LMX1A: variants seen among roughly 807,000 people sequenced by gnomAD.
LMX1A encodes LIM homeobox transcription factor 1 alpha.
In LMX1A, 15 loss-of-function variants were observed where a neutral mutation model predicts 49.1. That is an observed-to-expected ratio of 0.31 (90% CI 0.20 to 0.47). The LOEUF (loss-of-function observed/expected upper bound fraction) is 0.47, where lower values mean the gene tolerates loss of function less well. Ranked by LOEUF, LMX1A falls within the 20% of genes least tolerant of loss-of-function variation. The pLI is 1.00. For synonymous variants in LMX1A, 167 were observed against 185.7 expected (o/e 0.90, Z 0.82); for missense variants, 372 against 475.8 (o/e 0.78, Z 2.03).
rs1354509 is a variant in LMX1A, at chr1:165,203,979, A to G, written c.1050T>C (p.Asp350=). 1 allele frequency: 1,613,848 copies of G among 1,614,162 alleles called. 806,768 individuals are homozygous for G. The highest frequency in any genetic ancestry group is 1 in the Non-Finnish European group (1,180,034 of 1,180,034). ...SDDTSLSNLG[D]CFLATSEAGP... ...CAGCTTCTGAGGTTGCTAGGAAACA[A>G]TCACCCAGGTTACTGAGGGAGGTGT... The change falls in exon 9 of 9, where the codon GAT becomes GAC. Residue 350 remains aspartate (D), a synonymous_variant. Coordinates refer to ENST00000342310, the MANE Select transcript of LMX1A (RefSeq NM_177398.4).
intron 4 of LMX1A, among the ~76,000 whole-genome samples, chr1:165,232,929 C>T (rs1652285305): frequency 6.6e-6 from 1 of 152,188 alleles, no homozygotes; most frequent in Admixed American, 6.6e-5. Context: ...GTCTCCACTT[C>T]TTGGACTTCC....
intron 4 of LMX1A, among the ~76,000 whole-genome samples, chr1:165,242,467 C>CAAAAA (rs10624846): frequency 7.6e-6 from 1 of 132,280 alleles, no homozygotes; most frequent in African/African-American, 2.8e-5. Flanking sequence ...CATAAAAAAG[C>CAAAAA]AAAAAAAAAA....
intron 3 of LMX1A, among the ~76,000 whole-genome samples, chr1:165,338,529 C>A (rs1435911585): frequency 6.6e-6 from 1 of 152,210 alleles, no homozygotes; most frequent in African/African-American, 2.4e-5. Flanking sequence ...GAGTGCATTT[C>A]ATTTGGCCCT....
intron 4 of LMX1A, among the ~76,000 whole-genome samples, chr1:165,242,929 CAA>C (rs35937155): frequency 0.42 from 48,257 of 114,474 alleles, 9,022 homozygotes; most frequent in East Asian, 0.7. Flanking sequence ...AACTCCACCT[CAA>C]AAAAAAAAAA....
chr1:165,264,420 G>A (rs34745858), intron 3 of LMX1A, among the ~76,000 whole-genome samples: 7,425 of 151,204 alleles, frequency 0.049, 280 homozygotes, highest in East Asian at 0.12. Flanking sequence ...GCATATGCTC[G>A]CACACACACA....
At chr1:165,280,604 T>C (rs1321169236) in intron 3 of LMX1A, among the ~76,000 whole-genome samples, 1 of 152,238 alleles carries the variant, frequency 6.6e-6, no homozygotes, top group African/African-American at 2.4e-5. Context: ...TTTTAAACAA[T>C]AGTTATCATT....
intron 8 of LMX1A, among the ~76,000 whole-genome samples, chr1:165,204,275 A>G (rs188968671): frequency 1.2e-3 from 182 of 152,328 alleles, no homozygotes; most frequent in Non-Finnish European, 6.3e-4. Context: ...AAATGTCACA[A>G]TGTCTAGACA....
rs777651443 is a variant in LMX1A, at chr1:165,250,373, G to A, written c.264-733C>T. Among the ~76,000 whole-genome samples, 48 of 152,160 alleles carry A rather than the reference G, an allele frequency of 3.2e-4. 1 individual carries two copies. Among genetic ancestry groups the A allele is most frequent in the Non-Finnish European group, 7.3e-5 (5 of 68,040 alleles). Reference sequence around the variant, plus strand: ...CAGGCTGTTCAGAATCCCTGGGGGAGCTTATTATTTAAATTATTTAAATCA... The same window carrying A: ...CAGGCTGTTCAGAATCCCTGGGGGAACTTATTATTTAAATTATTTAAATCA... On this transcript the variant is annotated intron_variant, in intron 3 of 8. Coordinates refer to ENST00000342310, the MANE Select transcript of LMX1A (RefSeq NM_177398.4).
chr1:165,250,949 T>A (rs1163660030), intron 3 of LMX1A, among the ~76,000 whole-genome samples: 1 of 152,018 alleles, frequency 6.6e-6, no homozygotes, highest in Non-Finnish European at 1.5e-5. Flanking sequence ...GCATGGATGC[T>A]CAGGTTGTAA....
chr1:165,245,308 TCCA>T (rs1652808484), intron 4 of LMX1A, among the ~76,000 whole-genome samples: 1 of 152,020 alleles, frequency 6.6e-6, no homozygotes, highest in Non-Finnish European at 1.5e-5. Flanking sequence ...GATGCAGTCT[TCCA>T]CCAACTGCAA....
intron 4 of LMX1A, among the ~76,000 whole-genome samples, chr1:165,231,408 T>A (rs1652236955): frequency 6.6e-6 from 1 of 151,768 alleles, no homozygotes. Flanking sequence ...GGCTCAACCA[T>A]CCTACAGCCT....
intron 3 of LMX1A, among the ~76,000 whole-genome samples, chr1:165,307,493 G>C (rs1045930203): frequency 1.3e-5 from 2 of 152,176 alleles, no homozygotes; most frequent in African/African-American, 4.8e-5. Flanking sequence ...GTTACAAAGG[G>C]GCCTATGCCA....
At chr1:165,307,965 G>T (rs901530417) in intron 3 of LMX1A, among the ~76,000 whole-genome samples, 7 of 152,110 alleles carry the variant, frequency 4.6e-5, no homozygotes, top group African/African-American at 1.7e-4. Flanking sequence ...CTTCCTCCTT[G>T]GTTCCATAAA....
intron 8 of LMX1A, among the ~76,000 whole-genome samples, chr1:165,205,328 T>C (rs1651031766): frequency 1.3e-5 from 2 of 152,214 alleles, no homozygotes; most frequent in Admixed American, 1.3e-4. Flanking sequence ...CAGCTACCCA[T>C]ATATGCAGCA....
At chr1:165,249,088 A>G (rs988511825) in intron 4 of LMX1A, among the ~76,000 whole-genome samples, 1 of 152,226 alleles carries the variant, frequency 6.6e-6, no homozygotes, top group African/African-American at 2.4e-5. Context: ...TGAGATCAGC[A>G]GACTCCAGCT....
At chr1:165,229,351 G>A (rs988600588) in intron 4 of LMX1A, among the ~76,000 whole-genome samples, 1 of 152,178 alleles carries the variant, frequency 6.6e-6, no homozygotes, top group Non-Finnish European at 1.5e-5. Context: ...CTTGGGGAGA[G>A]CATTTATTAA....
intron 3 of LMX1A, among the ~76,000 whole-genome samples, chr1:165,318,677 G>A (rs1260017776): frequency 6.6e-6 from 1 of 152,020 alleles, no homozygotes; most frequent in Non-Finnish European, 1.5e-5. Context: ...CCCAGCTAGT[G>A]TGATTCTTTG....
chr1:165,295,872 C>T (rs1024047863), intron 3 of LMX1A, among the ~76,000 whole-genome samples: 5 of 152,118 alleles, frequency 3.3e-5, no homozygotes, highest in Non-Finnish European at 1.5e-5. Flanking sequence ...AGAAGCAAAT[C>T]GAACATATGG....
At chr1:165,274,689 C>T (rs890954094) in intron 3 of LMX1A, among the ~76,000 whole-genome samples, 2 of 152,212 alleles carry the variant, frequency 1.3e-5, no homozygotes, top group African/African-American at 4.8e-5. Flanking sequence ...AGCCTCAGGG[C>T]TGCTATGTCC....
Sources: allele counts gnomAD v4.1 joint callset (sites outside exome capture counted in the v4.1 genomes callset), GRCh38; gene constraint gnomAD v4.1.1; transcripts MANE v1.5; gene names NCBI Gene and HGNC (gene_info 2026-07-23, HGNC 2026-07-21).